The following C1orf21 variants were observed in gnomAD, a reference collection of about 807,000 sequenced individuals.
C1orf21 encodes the protein chromosome 1 open reading frame 21, also known as uncharacterized protein C1orf21.
Under a neutral mutation model 18.7 loss-of-function variants are expected in C1orf21, and 3 were observed. That is an observed-to-expected ratio of 0.16 (90% confidence interval 0.07 to 0.42). C1orf21 has a LOEUF of 0.42. C1orf21 is among the 10% of genes least tolerant of loss of function. The probability of loss-of-function intolerance (pLI) is 0.99; values close to 1 mark genes in which losing one functional copy is unlikely to be tolerated. For synonymous variants in C1orf21, 41 were observed against 46.4 expected, an observed-to-expected ratio of 0.88 and a Z score of 0.47; for missense variants, 104 against 143.6, an observed-to-expected ratio of 0.72 and a Z score of 1.41.
At chr1:184,597,845 A>T (rs1203547770) in intron 4 of C1orf21, among the ~76,000 whole-genome samples, 1 of 152,154 alleles carries the variant, frequency 6.6e-6, no homozygotes, top group African/African-American at 2.4e-5. Context: ...GTTCCAGTGG[A>T]ATTGTGTTTT....
chr1:184,514,473 C>G (rs1658195134), intron 3 of C1orf21, among the ~76,000 whole-genome samples: 1 of 151,880 alleles, frequency 6.6e-6, no homozygotes, highest in Non-Finnish European at 1.5e-5. Context: ...CATTTTTCAC[C>G]CATTAGATTG....
intron 3 of C1orf21, among the ~76,000 whole-genome samples, chr1:184,555,911 A>G (rs1328811979): frequency 6.6e-6 from 1 of 152,172 alleles, no homozygotes; most frequent in Non-Finnish European, 1.5e-5. Context: ...GACAAAAGGG[A>G]TCCCTGAGGA....
At chr1:184,576,454 C>G (rs1659191145) in intron 3 of C1orf21, among the ~76,000 whole-genome samples, 1 of 152,218 alleles carries the variant, frequency 6.6e-6, no homozygotes, top group Admixed American at 6.5e-5. Context: ...GGAGTCCTAA[C>G]TGCTACAGAA....
At chr1:184,505,847 T>C (rs991287207) in intron 2 of C1orf21, among the ~76,000 whole-genome samples, 4 of 152,138 alleles carry the variant, frequency 2.6e-5, no homozygotes, top group African/African-American at 9.7e-5. Context: ...AAACTGAAGT[T>C]AGGGAGGCCC....
chr1:184,392,035 A>G (rs1655977705), intron 1 of C1orf21, among the ~76,000 whole-genome samples: 1 of 152,092 alleles, frequency 6.6e-6, no homozygotes, highest in Admixed American at 6.5e-5. Flanking sequence ...TCTAGTTAGG[A>G]GCATCTTGAT....
intron 1 of C1orf21, among the ~76,000 whole-genome samples, chr1:184,410,096 C>T (rs1001998815): frequency 1.3e-5 from 2 of 151,966 alleles, no homozygotes; most frequent in African/African-American, 4.8e-5. Flanking sequence ...TAAGGTTCTT[C>T]TTATTTAAGA....
chr1:184,487,483 G>A (rs1657749612), intron 2 of C1orf21, among the ~76,000 whole-genome samples: 1 of 152,238 alleles, frequency 6.6e-6, no homozygotes, highest in Non-Finnish European at 1.5e-5. Context: ...TAAGAAGTGG[G>A]ACGGTGGCTA....
chr1:184,561,810 G>T (rs1416285977), intron 3 of C1orf21, among the ~76,000 whole-genome samples: 4 of 152,024 alleles, frequency 2.6e-5, no homozygotes, highest in Admixed American at 6.6e-5. Flanking sequence ...TAGAGACGGG[G>T]TTTCACCATA....
intron 1 of C1orf21, among the ~76,000 whole-genome samples, chr1:184,476,236 G>A (rs531789684): frequency 6.6e-6 from 1 of 152,282 alleles, no homozygotes; most frequent in East Asian, 1.9e-4. Context: ...CTGTGTAGTA[G>A]CACTATCTGT....
chr1:184,402,982 T>C (rs1656187545), intron 1 of C1orf21, among the ~76,000 whole-genome samples: 1 of 152,200 alleles, frequency 6.6e-6, no homozygotes, highest in African/African-American at 2.4e-5. Flanking sequence ...TTCCCTTATC[T>C]TTCAGGGTAG....
intron 1 of C1orf21, among the ~76,000 whole-genome samples, chr1:184,419,766 C>A (rs529510871): frequency 2.7e-4 from 41 of 152,230 alleles, no homozygotes; most frequent in African/African-American, 9.4e-4. Flanking sequence ...AGGGAGGAAC[C>A]TTCCAGGCCA....
intron 1 of C1orf21, among the ~76,000 whole-genome samples, chr1:184,446,149 T>G (rs1305870327): frequency 1.1e-4 from 17 of 152,190 alleles, no homozygotes; most frequent in Admixed American, 8.5e-4. Context: ...TTCATGCCTT[T>G]AGGATTATTG....
intron 3 of C1orf21, among the ~76,000 whole-genome samples, chr1:184,523,265 G>A (rs1658331473): frequency 6.6e-6 from 1 of 152,098 alleles, no homozygotes; most frequent in Non-Finnish European, 1.5e-5. Context: ...TCAGCCAGGT[G>A]ATCAAAATTA....
At chr1:184,542,568 A>C (rs938254997) in intron 3 of C1orf21, 2 of 152,246 alleles carry the variant, frequency 1.3e-5, no homozygotes, top group African/African-American at 4.8e-5. Flanking sequence ...GTACCTGGCA[A>C]GCATGTCAGA....
At position 184,627,609 on chromosome 1, in the gene C1orf21, C is replaced by T. The variant is rs1660037506; in HGVS notation, c.*8053C>T. The T allele has an allele frequency of 6.6e-6, 1 of 152,234 alleles. No homozygotes were observed. 9.4% of individuals were successfully genotyped at this position (152,234 alleles called of 1,614,324 possible). On this transcript the variant is annotated 3_prime_UTR_variant, in exon 6 of 6. Coordinates refer to ENST00000235307, the MANE Select transcript of C1orf21 (RefSeq NM_030806.4). Reference sequence around the variant, plus strand: ...GGAAAGATGTTAGCTCAAACACCCACTTTTTCCAGATCTTCCTCTTGCTCT... The same window carrying T: ...GGAAAGATGTTAGCTCAAACACCCATTTTTTCCAGATCTTCCTCTTGCTCT...
In C1orf21 at chr1:184,540,276, T is replaced by A. The variant is rs187006455; in HGVS notation, c.189+32594T>A. The stretch of plus-strand genomic sequence containing the variant: ...GTTGTTATTGTTCTTTCATGGTAGT[T>A]AGTAGTAATATTTTAAGTAAATGTA... On this transcript the variant is annotated intron_variant, in intron 3 of 5. Coordinates refer to ENST00000235307, the MANE Select transcript of C1orf21 (RefSeq NM_030806.4). Among the ~76,000 whole-genome samples the A allele has an allele frequency of 3.3e-5, 5 of 152,312 alleles. No homozygotes were observed. In the East Asian group the frequency reaches 9.6e-4, roughly 29 times the overall value.
At chr1:184,481,609 CTG>C (rs1220039433) in intron 2 of C1orf21, among the ~76,000 whole-genome samples, 1 of 152,146 alleles carries the variant, frequency 6.6e-6, no homozygotes, top group Non-Finnish European at 1.5e-5. Flanking sequence ...CTCTGTGCCT[CTG>C]TGTAGTTCAT....
intron 3 of C1orf21, chr1:184,568,508 AT>A (rs780247587): frequency 3.5e-4 from 162 of 458,796 alleles, no homozygotes; most frequent in Admixed American, 9.8e-4. Context: ...AGGGAATAAT[AT>A]TTGATATTTA....
At chr1:184,578,896 C>T (rs188813768) in intron 3 of C1orf21, among the ~76,000 whole-genome samples, 42 of 151,710 alleles carry the variant, frequency 2.8e-4, no homozygotes, top group African/African-American at 9.7e-4. Flanking sequence ...TCAACATAAG[C>T]TCTGTCACGT....
Sources: allele counts gnomAD v4.1 joint callset (sites outside exome capture counted in the v4.1 genomes callset), GRCh38; gene constraint gnomAD v4.1.1; transcripts MANE v1.5; gene names NCBI Gene and HGNC (gene_info 2026-07-23, HGNC 2026-07-21).